Variants in LRRC71 observed in about 807,000 individuals in gnomAD.
LRRC71 encodes leucine-rich repeat-containing protein 71.
A neutral mutation model predicts 66.6 loss-of-function variants in LRRC71; 54 were observed. The observed-to-expected ratio is 0.81, with a 90% CI of 0.65 to 1.02. The LOEUF is 1.02. Ranked by LOEUF, LRRC71 falls within the 50% of genes least tolerant of loss-of-function variation. The pLI is 0.00. For missense variants in LRRC71, 724 were observed against 718.0 expected (o/e 1.01, Z -0.10); for synonymous variants, 323 against 303.9 (o/e 1.06, Z -0.65).
chr1:156,937,495 C>T (rs1655713769), downstream of LRRC71: 1 of 1,518,424 alleles, frequency 6.6e-7, no homozygotes, highest in African/African-American at 1.4e-5. Flanking sequence ...AAAAGCAGTT[C>T]CCTGTCCCCA....
Position 156,929,339 on chromosome 1 carries a change from G to A in LRRC71, c.1056G>A (p.Gly352=), listed in dbSNP as rs554804884. The A allele has an allele frequency of 6.2e-7, 1 of 1,613,192 alleles. No individual in the cohort carries two copies. The highest frequency in any genetic ancestry group is 2.2e-5 in the East Asian group (1 of 44,842). ...KTDREKSQMV[G]ISNSALVDKT... is the part of the protein sequence containing the mutation. The stretch of plus-strand genomic sequence containing the variant: ...ACCGTGAGAAGAGTCAGATGGTAGG[G>A]ATCAGCAATAGTGCATTGGTGGACA... The change falls in exon 10 of 15, where the codon GGG becomes GGA. Residue 352 remains glycine (G), a synonymous_variant. Transcript: ENST00000337428.
In LRRC71 at chr1:156,930,516, C is replaced by A; in HGVS notation, c.1241-13C>A. 1 of 1,554,670 alleles carries A rather than the reference C, an allele frequency of 6.4e-7. No homozygotes were observed. The highest frequency in any genetic ancestry group is 2.4e-5 in the East Asian group (1 of 41,140). ...GTGTGCACTGTGCATTCTGGCTCCT[C>A]TTCTGGCCCCAGAGGTAACCATCCC... On this transcript the variant is annotated splice_polypyrimidine_tract_variant and intron_variant, in intron 11 of 14. Coordinates refer to ENST00000337428, the MANE Select transcript of LRRC71 (RefSeq NM_144702.3).
chr1:156,924,961 A>G lies in LRRC71; in HGVS notation c.539A>G (p.Asp180Gly), dbSNP rs1652974396. ...AGCTTGTGGAAGGTGGGGCTGACCGATAAGACCCTGACCACCTTCATCGAG... is the reference window on the plus strand; with the variant it reads ...AGCTTGTGGAAGGTGGGGCTGACCGGTAAGACCCTGACCACCTTCATCGAG... ...AINLWKVGLTDKTLTTFIELL... is the reference protein window; with the variant it reads ...AINLWKVGLTGKTLTTFIELL... The change falls in exon 5 of 15, where the codon GAT (aspartate) becomes GGT (glycine). Residue 180 changes from aspartate to glycine, a missense_variant. Asp to Gly is a moderately conservative substitution (Grantham distance 94). Transcript: ENST00000337428. 2.6e-6 allele frequency: 4 copies of G among 1,551,508 alleles called. No homozygotes were observed. Among genetic ancestry groups the G allele is most frequent in the South Asian group, 1.2e-5 (1 of 84,058 alleles).
intron 9 of LRRC71, among the ~76,000 whole-genome samples, chr1:156,928,563 C>CTTTTTTTTTTTTTTTTT (rs58180096): frequency 1.2e-5 from 1 of 80,244 alleles, no homozygotes; most frequent in Non-Finnish European, 2.3e-5. Context: ...CTTCTTCTTA[C>CTTTTTTTTTTTTTTTTT]TTTTTTTTTT....
At position 156,927,791 on chromosome 1, in the gene LRRC71, A is replaced by T. The variant is rs780035091; in HGVS notation, c.881A>T (p.Asp294Val). ...TCCCTGGCCCACAACCGCATCCAGG[A>T]CAAGGGCGCCCTGAAGCTGGCTGAG... The part of the protein sequence containing the change: ...WLSLAHNRIQ[D>V]KGALKLAEVL... The change falls in exon 8 of 15, where the codon GAC becomes GTC. Residue 294 changes from aspartate to valine, a missense_variant. By Grantham distance (152) the Asp-to-Val change is radical (BLOSUM62 -3). Transcript: ENST00000337428. The T allele has an allele frequency of 6.2e-7, 1 of 1,613,110 alleles. No homozygotes were observed.
chr1:156,937,502 C>G (rs376999050), downstream of LRRC71: 143 of 1,516,414 alleles, frequency 9.4e-5, no homozygotes, highest in Non-Finnish European at 1.2e-4. Flanking sequence ...GTTCCCTGTC[C>G]CCACAGTAAG....
downstream of LRRC71, chr1:156,937,556 C>T: frequency 1.3e-6 from 2 of 1,489,496 alleles, no homozygotes; most frequent in East Asian, 2.4e-5. Context: ...AGCTATCCTC[C>T]CGTTCCTGTG....
intron 1 of LRRC71, chr1:156,921,787 A>G: frequency 2.2e-6 from 1 of 452,676 alleles, no homozygotes; most frequent in South Asian, 9.3e-5. Flanking sequence ...TATAGAATAC[A>G]GGGTGGAAGG....
chr1:156,940,806 C>T, the LRRC71 span, among the ~76,000 whole-genome samples: 3,060 of 152,160 alleles, frequency 0.02, 56 homozygotes, highest in South Asian at 0.056. Context: ...GGAATGAAGA[C>T]GTGAAGGAGG....
Position 156,927,960 on chromosome 1 carries a change from C to T in LRRC71, c.952C>T (p.Arg318Ter). 1 of 1,611,310 alleles carries T rather than the reference C, an allele frequency of 6.2e-7. No homozygotes were observed. The highest frequency in any genetic ancestry group is 8.5e-7 in the Non-Finnish European group (1 of 1,179,182). Residue 318 changes from arginine to a stop codon, truncating the protein, a stop_gained, in exon 9 of 15, where the codon CGA becomes TGA. Transcript: ENST00000337428. LOFTEE classifies it high-confidence loss of function. ...GACACACACCGAAGTGGTGGAGCGC[C>T]GACGCCTCCTGCTGGAAAAAGGGAC... ...ELTHTEVVER[R>*]RLLLEKGTQE...
chr1:156,925,474 AGT>A (rs1486581733), intron 5 of LRRC71, among the ~76,000 whole-genome samples: 1 of 152,188 alleles, frequency 6.6e-6, no homozygotes, highest in Non-Finnish European at 1.5e-5. Flanking sequence ...CAGAGGAGGG[AGT>A]GGGCAGAGAG....
the LRRC71 span, chr1:156,940,178 G>C: frequency 6.5e-7 from 1 of 1,541,346 alleles, no homozygotes; most frequent in African/African-American, 1.4e-5. Context: ...GGGGACCAGG[G>C]GCTGACGGCA....
intron 5 of LRRC71, among the ~76,000 whole-genome samples, chr1:156,926,371 C>T (rs537045736): frequency 5.3e-5 from 8 of 152,228 alleles, no homozygotes; most frequent in South Asian, 2.1e-4. Flanking sequence ...CCTCCAGGCT[C>T]ACTTATGTGG....
At chr1:156,921,146 A>G (rs548855147) in intron 1 of LRRC71, among the ~76,000 whole-genome samples, 183 bp downstream of exon 1, 3 of 152,322 alleles carry the variant, frequency 2.0e-5, no homozygotes, top group Non-Finnish European at 2.9e-5. Context: ...CTGGTTTGGG[A>G]TGGTGACAAA....
At chr1:156,928,399 T>TTCTTCTTCTTCTTCTTCTTCTTCTTCC (rs1248540795) in intron 9 of LRRC71, among the ~76,000 whole-genome samples, 2 of 131,228 alleles carry the variant, frequency 1.5e-5, no homozygotes, top group East Asian at 2.2e-4. Flanking sequence ...CTTCTTCTTC[T>TTCTTCTTCTTCTTCTTCTTCTTCTTCC]TCTTCTTCCT....
the LRRC71 span, chr1:156,938,865 C>T: frequency 1.1e-5 from 3 of 268,540 alleles, no homozygotes; most frequent in East Asian, 1.7e-4. Flanking sequence ...AGGCTTTGTT[C>T]TACTTTTCTT....
downstream of LRRC71, chr1:156,935,372 C>T (rs929990149): frequency 5.3e-5 from 8 of 152,162 alleles, no homozygotes; most frequent in East Asian, 5.8e-4. Context: ...GCCTGGCTCC[C>T]GCTTTAGGCT....
downstream of LRRC71, chr1:156,936,110 C>T (rs41273229): frequency 1.9e-3 from 2,985 of 1,566,972 alleles, 6 homozygotes; most frequent in Non-Finnish European, 2.5e-3. Flanking sequence ...GTGACCGCTT[C>T]CACATGTTTT....
intron 5 of LRRC71, among the ~76,000 whole-genome samples, chr1:156,926,492 A>T (rs574967912): frequency 1.9e-3 from 288 of 152,190 alleles, no homozygotes; most frequent in Non-Finnish European, 2.8e-3. Context: ...TTGTAGCCTA[A>T]ACCTGGAGGT....
Sources: allele counts gnomAD v4.1 joint callset (sites outside exome capture counted in the v4.1 genomes callset), GRCh38; gene constraint gnomAD v4.1.1; transcripts MANE v1.5; gene names NCBI Gene and HGNC (gene_info 2026-07-23, HGNC 2026-07-21).